NAALADL2: variants seen among roughly 807,000 people sequenced by gnomAD.
NAALADL2 encodes inactive N-acetylated-alpha-linked acidic dipeptidase-like protein 2.
In NAALADL2, 76 loss-of-function variants were observed where a neutral mutation model predicts 87.2. That is an observed-to-expected ratio of 0.87 (90% CI 0.72 to 1.05). The LOEUF (loss-of-function observed/expected upper bound fraction) is 1.05, where lower values mean the gene tolerates loss of function less well. NAALADL2 is among the 50% of genes least tolerant of loss of function. NAALADL2 has a pLI of 0.00. For synonymous variants in NAALADL2, 354 were observed against 331.0 expected (o/e 1.07, Z -0.75); for missense variants, 1,089 against 945.8 (o/e 1.15, Z -1.99).
intron 2 of NAALADL2, among the ~76,000 whole-genome samples, chr3:174,596,502 G>T (rs1159635994): frequency 1.3e-5 from 2 of 152,132 alleles, no homozygotes; most frequent in African/African-American, 4.8e-5. Flanking sequence ...TGTTGAATCA[G>T]ATTACTGAGC....
intron 4 of NAALADL2, among the ~76,000 whole-genome samples, chr3:175,294,229 T>G (rs1235012772): frequency 6.6e-6 from 1 of 152,232 alleles, no homozygotes; most frequent in East Asian, 1.9e-4. Context: ...ATTTGTTTAC[T>G]ACATATACTT....
At chr3:174,790,238 A>G (rs531332053) in intron 3 of NAALADL2, among the ~76,000 whole-genome samples, 1 of 152,302 alleles carries the variant, frequency 6.6e-6, no homozygotes, top group East Asian at 1.9e-4. Flanking sequence ...CCTAGTTTTG[A>G]TATTATAGCT....
chr3:175,274,017 A>G (rs1387843259), intron 4 of NAALADL2, among the ~76,000 whole-genome samples: 1 of 152,200 alleles, frequency 6.6e-6, no homozygotes, highest in Non-Finnish European at 1.5e-5. Flanking sequence ...CAAAATATGA[A>G]TAATAGCATA....
chr3:174,460,094 G>A (rs1259706000), intron 1 of NAALADL2, among the ~76,000 whole-genome samples: 1 of 152,034 alleles, frequency 6.6e-6, no homozygotes, highest in East Asian at 1.9e-4. Flanking sequence ...AAGAGTCATG[G>A]CATCTGGAAT....
chr3:175,661,707 A>C (rs1732281204), intron 11 of NAALADL2, among the ~76,000 whole-genome samples: 1 of 151,958 alleles, frequency 6.6e-6, no homozygotes, highest in Admixed American at 6.6e-5. Context: ...ATTCTTCTGC[A>C]TGTGTTTATC....
intron 2 of NAALADL2, among the ~76,000 whole-genome samples, chr3:174,657,874 TCACA>T (rs1277868768): frequency 6.6e-6 from 1 of 152,210 alleles, no homozygotes; most frequent in East Asian, 1.9e-4. Context: ...ATAGTTGGAA[TCACA>T]CACTATGTAG....
intron 2 of NAALADL2, among the ~76,000 whole-genome samples, chr3:174,663,033 GATA>G (rs1368518442): frequency 1.3e-5 from 2 of 152,018 alleles, no homozygotes; most frequent in African/African-American, 4.8e-5. Context: ...TTTAGTATTA[GATA>G]ATAATGTAAC....
chr3:175,433,692 GC>G (rs551084856), intron 5 of NAALADL2, among the ~76,000 whole-genome samples: 261 of 151,952 alleles, frequency 1.7e-3, no homozygotes, highest in Non-Finnish European at 1.4e-3. Context: ...TTTATCCCTA[GC>G]CTTTTTTTTT....
intron 1 of NAALADL2, among the ~76,000 whole-genome samples, chr3:174,465,897 T>C (rs1465266797): frequency 6.6e-6 from 1 of 152,148 alleles, no homozygotes; most frequent in African/African-American, 2.4e-5. Flanking sequence ...TGTGTGTTTG[T>C]GTGTGTCTGT....
At chr3:175,503,809 C>T (rs919297542) in intron 9 of NAALADL2, among the ~76,000 whole-genome samples, 1 of 152,044 alleles carries the variant, frequency 6.6e-6, no homozygotes, top group Non-Finnish European at 1.5e-5. Flanking sequence ...GTTTAAGTTC[C>T]TTATAGATTC....
intron 11 of NAALADL2, among the ~76,000 whole-genome samples, chr3:175,727,015 C>T (rs530902110): frequency 1.1e-4 from 17 of 152,188 alleles, no homozygotes; most frequent in Middle Eastern, 3.4e-3. Context: ...GTTAAGAGCC[C>T]AACTCTTTCA....
chr3:174,696,000 AC>A, intron 2 of NAALADL2, among the ~76,000 whole-genome samples: 2 of 152,170 alleles, frequency 1.3e-5, no homozygotes, highest in Middle Eastern at 6.8e-3. Context: ...ATACTGCATA[AC>A]AAAGATTTTT....
chr3:174,750,613 T>G (rs1471488835), intron 3 of NAALADL2, among the ~76,000 whole-genome samples: 1 of 152,072 alleles, frequency 6.6e-6, no homozygotes, highest in Non-Finnish European at 1.5e-5. Flanking sequence ...TTTGTATTTT[T>G]AGTAGAGACA....
intron 1 of NAALADL2, among the ~76,000 whole-genome samples, chr3:175,076,481 A>G (rs1239317371): frequency 1.3e-5 from 2 of 152,160 alleles, no homozygotes; most frequent in Non-Finnish European, 2.9e-5. Flanking sequence ...AACATTAAGA[A>G]GTAAGAAAAA....
At chr3:175,052,800 C>T (rs1463435156) in intron 1 of NAALADL2, among the ~76,000 whole-genome samples, 1 of 152,144 alleles carries the variant, frequency 6.6e-6, no homozygotes, top group African/African-American at 2.4e-5. Context: ...AGGTTTAGCT[C>T]CTGTAAAGGG....
chr3:175,181,715 G>GTGTGTGTGTGTGTATA (rs1736529023), intron 2 of NAALADL2, among the ~76,000 whole-genome samples: 3 of 23,432 alleles, frequency 1.3e-4, no homozygotes, highest in South Asian at 1.7e-3. Flanking sequence ...GTGTGTGTGT[G>GTGTGTGTGTGTGTATA]TGTATATATA....
At chr3:175,770,160 G>A (rs1391834455) in intron 13 of NAALADL2, among the ~76,000 whole-genome samples, 2 of 152,110 alleles carry the variant, frequency 1.3e-5, no homozygotes, top group East Asian at 1.9e-4. Flanking sequence ...ACATTGACAC[G>A]TAAAATTAAT....
chr3:174,777,659 T>C (rs1192194715), intron 3 of NAALADL2, among the ~76,000 whole-genome samples: 1 of 152,088 alleles, frequency 6.6e-6, no homozygotes. Context: ...GGCTGTTAAA[T>C]TGCACTATTC....
intron 3 of NAALADL2, among the ~76,000 whole-genome samples, chr3:174,788,500 G>T (rs1384093747): frequency 1.3e-5 from 2 of 152,112 alleles, no homozygotes; most frequent in Non-Finnish European, 2.9e-5. Context: ...GCTTGCAGAT[G>T]GCTGCCTTCT....
Sources: gnomAD v4.1 joint callset for allele counts (sites outside exome capture counted in the v4.1 genomes callset) on GRCh38, gnomAD v4.1.1 for gene constraint, MANE v1.5 for transcripts, NCBI Gene and HGNC (gene_info 2026-07-23, HGNC 2026-07-21) for gene names.